PHLDB2: variants seen among roughly 807,000 people sequenced by gnomAD.
PHLDB2 encodes the protein pleckstrin homology-like domain family B member 2.
A neutral mutation model predicts 123.6 loss-of-function variants in PHLDB2; 71 were observed. That is an observed-to-expected ratio of 0.57 (90% CI 0.47 to 0.70). The LOEUF (loss-of-function observed/expected upper bound fraction) is 0.70. Ranked by LOEUF, PHLDB2 falls within the 30% of genes least tolerant of loss-of-function variation. The pLI, the probability that PHLDB2 is intolerant of heterozygous loss-of-function variation, is 0.00. For synonymous variants in PHLDB2, 547 were observed against 541.6 expected (o/e 1.01, Z -0.14); for missense variants, 1,446 against 1,519.5 (o/e 0.95, Z 0.80).
intron 16 of PHLDB2, among the ~76,000 whole-genome samples, chr3:111,971,442 T>A (rs550621841): frequency 2.3e-5 from 3 of 129,308 alleles, no homozygotes; most frequent in Non-Finnish European, 5.2e-5. Flanking sequence ...TGATTTCAAT[T>A]TTAAAAAAAT....
chr3:111,842,953 T>C (rs2063758571), intron 1 of PHLDB2, among the ~76,000 whole-genome samples: 1 of 152,274 alleles, frequency 6.6e-6, no homozygotes, highest in African/African-American at 2.4e-5. Flanking sequence ...TTTGTATTGC[T>C]GAATAATATT....
At chr3:111,931,039 G>GGA (rs1252383976) in intron 5 of PHLDB2, among the ~76,000 whole-genome samples, 1 of 152,106 alleles carries the variant, frequency 6.6e-6, no homozygotes, top group Non-Finnish European at 1.5e-5. Flanking sequence ...AGGAAATCAT[G>GGA]GCCATTTTGA....
intron 2 of PHLDB2, among the ~76,000 whole-genome samples, chr3:111,889,537 A>C (rs987508823): frequency 1.3e-5 from 2 of 152,072 alleles, no homozygotes; most frequent in African/African-American, 4.8e-5. Context: ...CCCTGTCTCT[A>C]CAAAAAATAC....
At chr3:111,966,810 A>T in intron 14 of PHLDB2, 107 bp downstream of exon 14, 1 of 778,770 alleles carries the variant, frequency 1.3e-6, no homozygotes, top group Admixed American at 2.7e-5. Flanking sequence ...TTCCTGGAAT[A>T]AATCACTCAA....
chr3:111,959,368 G>A (rs2071253315), intron 12 of PHLDB2, among the ~76,000 whole-genome samples: 1 of 152,252 alleles, frequency 6.6e-6, no homozygotes, highest in African/African-American at 2.4e-5. Context: ...TTGCCAGTAG[G>A]CAGAAATGAG....
At chr3:111,780,296 AGG>A (rs2060368440) in intron 1 of PHLDB2, among the ~76,000 whole-genome samples, 5 of 1,636 alleles carry the variant, frequency 3.1e-3, no homozygotes, top group Non-Finnish European at 0.016. Context: ...GAAGAAGAAG[AGG>A]AAGAGGAAGA....
At chr3:111,785,875 T>C (rs1215963447) in intron 1 of PHLDB2, among the ~76,000 whole-genome samples, 2 of 152,136 alleles carry the variant, frequency 1.3e-5, no homozygotes, top group African/African-American at 4.8e-5. Flanking sequence ...TCAAAAAATG[T>C]TTTGCTCGGG....
At position 111,745,918 on chromosome 3, in the gene PHLDB2, T is replaced by C. The variant is rs991963036; in HGVS notation, c.-49+13215T>C. Among the ~76,000 whole-genome samples, 3 of 152,312 alleles carry C rather than the reference T, an allele frequency of 2.0e-5. No individual in the cohort carries two copies. In the South Asian group the frequency reaches 6.2e-4, roughly 32 times the overall value. ...CAGTGTAGCTCTGTGCTGAATTGTC[T>C]CTGTCACCTGAGTACCTCCAAACCT... On this transcript the variant is annotated intron_variant, in intron 1 of 17. Coordinates refer to the PHLDB2 transcript ENST00000393923.
chr3:111,831,018 AAAG>A (rs2062990615), intron 1 of PHLDB2, among the ~76,000 whole-genome samples: 2 of 115,376 alleles, frequency 1.7e-5, no homozygotes, highest in Non-Finnish European at 3.5e-5. Context: ...AGAAAGAAAG[AAAG>A]AAAGAAAGAA....
chr3:111,765,504 G>A (rs376672292), intron 1 of PHLDB2, among the ~76,000 whole-genome samples: 1 of 152,324 alleles, frequency 6.6e-6, no homozygotes, highest in East Asian at 1.9e-4. Flanking sequence ...GTCAGGCAGT[G>A]CAAAGCATCC....
At chr3:111,910,804 T>G (rs746156307) in intron 2 of PHLDB2, among the ~76,000 whole-genome samples, 1 of 152,248 alleles carries the variant, frequency 6.6e-6, no homozygotes, top group Non-Finnish European at 1.5e-5. Flanking sequence ...CCTTACAGAC[T>G]TTCTTCTGAT....
chr3:111,902,328 A>G (rs2067248737), intron 2 of PHLDB2, among the ~76,000 whole-genome samples: 1 of 152,178 alleles, frequency 6.6e-6, no homozygotes, highest in Non-Finnish European at 1.5e-5. Flanking sequence ...ATGGTAGCTC[A>G]TGCCTGTAAA....
chr3:111,910,873 C>T (rs2107495538), intron 2 of PHLDB2, among the ~76,000 whole-genome samples: 1 of 152,342 alleles, frequency 6.6e-6, no homozygotes, highest in Non-Finnish European at 1.5e-5. Context: ...CAGTGTGTCT[C>T]AGTGCAACCT....
intron 1 of PHLDB2, among the ~76,000 whole-genome samples, chr3:111,867,936 A>G (rs972740201): frequency 6.6e-6 from 1 of 151,860 alleles, no homozygotes; most frequent in Non-Finnish European, 1.5e-5. Flanking sequence ...CCTGGGCTCC[A>G]GTGATCTGCC....
At chr3:111,844,072 A>G (rs2063820511) in intron 1 of PHLDB2, among the ~76,000 whole-genome samples, 1 of 152,104 alleles carries the variant, frequency 6.6e-6, no homozygotes, top group Non-Finnish European at 1.5e-5. Context: ...TCTTGAGATA[A>G]AAAGAGCTTA....
chr3:111,849,809 A>C (rs2064168772), intron 2 of PHLDB2, among the ~76,000 whole-genome samples: 1 of 152,212 alleles, frequency 6.6e-6, no homozygotes, highest in Non-Finnish European at 1.5e-5. Flanking sequence ...CTATTCAGCC[A>C]TTAAAAAGCA....
intron 8 of PHLDB2, 48 bp downstream of exon 8, chr3:111,940,693 A>G: frequency 9.3e-7 from 1 of 1,075,976 alleles, no homozygotes; most frequent in Non-Finnish European, 1.3e-6. Flanking sequence ...ATAGGTTCCA[A>G]ATTCAGGGAA....
At position 111,775,422 on chromosome 3, in the gene PHLDB2, A is replaced by C. The variant is rs59628285; in HGVS notation, c.-49+42719A>C. ...CTTTAGAAAAACTGGTTAGTCAAGA[A>C]GTAAGAGTGGGAGGATGCAGAGCAC... On this transcript the variant is annotated intron_variant, in intron 1 of 17. Coordinates refer to the PHLDB2 transcript ENST00000393923. Among the ~76,000 whole-genome samples, 819 of 152,286 alleles carry C rather than the reference A, an allele frequency of 5.4e-3. 13 individuals are homozygous for C. Among genetic ancestry groups the C allele is most frequent in the African/African-American group, 0.019 (787 of 41,574 alleles).
intron 9 of PHLDB2, 151 bp downstream of exon 9, chr3:111,945,508 G>A (rs2070238591): frequency 1.5e-6 from 1 of 674,826 alleles, no homozygotes; most frequent in Non-Finnish European, 2.6e-6. Context: ...CTTTCATTAT[G>A]TATGCTTTGA....
Sources: allele counts gnomAD v4.1 joint callset (sites outside exome capture counted in the v4.1 genomes callset), GRCh38; gene constraint gnomAD v4.1.1; transcripts MANE v1.5; gene names NCBI Gene and HGNC (gene_info 2026-07-23, HGNC 2026-07-21).